CDH12: variants seen among roughly 807,000 people sequenced by gnomAD.
CDH12 encodes the protein cadherin-12.
Under a neutral mutation model 74.1 loss-of-function variants are expected in CDH12, and 41 were observed. That is an observed-to-expected ratio of 0.55 (90% CI 0.43 to 0.72). CDH12 has a LOEUF of 0.72. Among genes scored for constraint, CDH12 ranks in the 30% least tolerant of loss-of-function variants. The probability of loss-of-function intolerance (pLI) is 0.00; values close to 1 mark genes in which losing one functional copy is unlikely to be tolerated. For synonymous variants in CDH12, 399 were observed against 355.0 expected, an observed-to-expected ratio of 1.12 and a Z score of -1.39; for missense variants, 945 against 977.2, an observed-to-expected ratio of 0.97 and a Z score of 0.44.
intron 8 of CDH12, among the ~76,000 whole-genome samples, chr5:21,833,025 A>ATT (rs1749169070): frequency 2.0e-5 from 1 of 50,360 alleles, no homozygotes; most frequent in Non-Finnish European, 3.2e-5. Context: ...ATGATATAAT[A>ATT]TATAATATAT....
chr5:22,644,927 A>G (rs996707448), intron 1 of CDH12, among the ~76,000 whole-genome samples: 1 of 152,058 alleles, frequency 6.6e-6, no homozygotes, highest in Non-Finnish European at 1.5e-5. Flanking sequence ...ATGACAGCTC[A>G]TCTGTTTACA....
At chr5:21,982,731 C>G (rs1034388441) in intron 5 of CDH12, among the ~76,000 whole-genome samples, 3 of 151,716 alleles carry the variant, frequency 2.0e-5, no homozygotes, top group African/African-American at 2.4e-5. Flanking sequence ...TTTTGTCTAT[C>G]AGTTGATGCT....
At chr5:22,154,592 CAT>C (rs369274295) in intron 4 of CDH12, among the ~76,000 whole-genome samples, 10,508 of 148,812 alleles carry the variant, frequency 0.071, 461 homozygotes, top group African/African-American at 0.11. Context: ...TATGTGTACA[CAT>C]ATATATACAC....
rs77349401 is a variant in CDH12 at position 22,792,548 on chromosome 5, C to A, written c.-523+60510G>T. On this transcript the variant is annotated intron_variant, in intron 1 of 14. Coordinates refer to ENST00000382254, the MANE Select transcript of CDH12 (RefSeq NM_004061.5). ...TATTAAGATGTGTCATGCCTTCCTG[C>A]TTTTTGGCATACACGTATATGGTGG... Among the ~76,000 whole-genome samples the A allele has an allele frequency of 6.0e-3, 908 of 152,242 alleles. 7 individuals are homozygous for A. The highest frequency in any genetic ancestry group is 0.021 in the African/African-American group (854 of 41,532).
chr5:22,083,472 T>C (rs1363173498), intron 4 of CDH12, among the ~76,000 whole-genome samples: 1 of 152,146 alleles, frequency 6.6e-6, no homozygotes, highest in Non-Finnish European at 1.5e-5. Flanking sequence ...GTTCCTGGGG[T>C]CTACACTATT....
Position 22,780,344 on chromosome 5 carries a change from T to C in CDH12, c.-523+72714A>G, listed in dbSNP as rs80240491. Reference sequence around the variant, plus strand: ...ATTTCAAGGCTGCAGTGAGCTATTGTGTTAGTCCAGTCTCAGGCTGCTATA... The same window carrying C: ...ATTTCAAGGCTGCAGTGAGCTATTGCGTTAGTCCAGTCTCAGGCTGCTATA... On this transcript the variant is annotated intron_variant, in intron 1 of 14. Coordinates refer to ENST00000382254, the MANE Select transcript of CDH12 (RefSeq NM_004061.5). Among the ~76,000 whole-genome samples, 23 of 152,286 alleles carry C rather than the reference T, an allele frequency of 1.5e-4. No individual in the cohort carries two copies. In the East Asian group the frequency reaches 4.4e-3, roughly 29 times the overall value.
chr5:21,751,472 T>C lies in CDH12; in HGVS notation c.*265A>G. ...GCCTGAGCTTGTCTCAGTGTGATTG[T>C]GAAAAAACAAAACAACAAAACAAAG... is the stretch of plus-strand genomic sequence containing the variant. On this transcript the variant is annotated 3_prime_UTR_variant, in exon 15 of 15. Transcript: ENST00000382254. 2.6e-6 allele frequency: 1 copy of C among 387,332 alleles called. No individual in the cohort carries two copies. Among genetic ancestry groups the C allele is most frequent in the South Asian group, 3.6e-5 (1 of 27,418 alleles). 24.0% of individuals were successfully genotyped at this position (387,332 alleles called of 1,614,324 possible). A position where few individuals can be genotyped will look rare whatever the true frequency, so the allele number is the denominator to read the frequency against.
At chr5:22,840,299 T>C (rs1014358490) in intron 1 of CDH12, among the ~76,000 whole-genome samples, 37 of 152,174 alleles carry the variant, frequency 2.4e-4, no homozygotes, top group Middle Eastern at 6.8e-3. Flanking sequence ...TTTTAAAATA[T>C]TTTTAGTAGA....
At chr5:22,631,898 C>T (rs1330807578) in intron 1 of CDH12, among the ~76,000 whole-genome samples, 2 of 151,990 alleles carry the variant, frequency 1.3e-5, no homozygotes, top group African/African-American at 2.4e-5. Context: ...ACCAAGGGGT[C>T]GGTGTTAAAC....
chr5:21,797,259 A>T (rs1482869767), intron 10 of CDH12, among the ~76,000 whole-genome samples: 1 of 152,132 alleles, frequency 6.6e-6, no homozygotes, highest in Non-Finnish European at 1.5e-5. Context: ...GTCCTAAATT[A>T]ATATCTTGCA....
At chr5:21,844,885 C>T (rs1019757822) in intron 7 of CDH12, among the ~76,000 whole-genome samples, 3 of 152,086 alleles carry the variant, frequency 2.0e-5, no homozygotes, top group African/African-American at 7.2e-5. Context: ...GTGACAGTCA[C>T]AAATGCAACT....
chr5:21,780,275 A>G (rs1480212587), intron 11 of CDH12, among the ~76,000 whole-genome samples: 4 of 152,316 alleles, frequency 2.6e-5, no homozygotes, highest in Admixed American at 2.6e-4. Context: ...TTAGGATTCT[A>G]AGATCTAAAC....
intron 1 of CDH12, among the ~76,000 whole-genome samples, chr5:22,794,548 A>G (rs1561836): frequency 0.22 from 34,022 of 152,152 alleles, 5,280 homozygotes; most frequent in African/African-American, 0.44. Context: ...GAGACCAGCA[A>G]GGCCAGTCAG....
chr5:22,059,027 A>G (rs1561066903), intron 5 of CDH12, among the ~76,000 whole-genome samples: 1 of 152,164 alleles, frequency 6.6e-6, no homozygotes, highest in Non-Finnish European at 1.5e-5. Context: ...AGCTGTAGAC[A>G]TAAGAAAAAC....
intron 1 of CDH12, among the ~76,000 whole-genome samples, chr5:22,617,342 T>C (rs1737742991): frequency 6.6e-6 from 1 of 152,124 alleles, no homozygotes; most frequent in East Asian, 1.9e-4. Flanking sequence ...AATAAATTTT[T>C]GTTGTTTACA....
Position 21,814,142 on chromosome 5 carries a change from AGTGTGTGTGTGTGT to A in CDH12, c.1002+2789_1002+2802del, listed in dbSNP as rs59666017. ...TGATTCATCCACCACAGGAGAAATG[AGTGTGTGTGTGTGT>A]GTGTGTGTGTGTGTGTGTGTGTGTG... is the stretch of plus-strand genomic sequence containing the variant. On this transcript the variant is annotated intron_variant, in intron 9 of 14. Coordinates refer to ENST00000382254, the MANE Select transcript of CDH12 (RefSeq NM_004061.5). Among the ~76,000 whole-genome samples, 774 of 145,570 alleles carry A rather than the reference AGTGTGTGTGTGTGT, an allele frequency of 5.3e-3. 5 individuals are homozygous for A. Among genetic ancestry groups the A allele is most frequent in the Non-Finnish European group, 7.0e-3 (463 of 66,164 alleles).
intron 6 of CDH12, among the ~76,000 whole-genome samples, chr5:21,902,454 G>A (rs1167497359): frequency 6.6e-6 from 1 of 151,892 alleles, no homozygotes; most frequent in Non-Finnish European, 1.5e-5. Context: ...AGAATCTCAG[G>A]CCCCATAACA....
intron 5 of CDH12, among the ~76,000 whole-genome samples, chr5:22,030,992 C>T (rs7447336): frequency 0.36 from 54,737 of 151,926 alleles, 13,121 homozygotes; most frequent in African/African-American, 0.69. Flanking sequence ...TCAGCCTTCA[C>T]AGAATTGAGG....
intron 1 of CDH12, among the ~76,000 whole-genome samples, chr5:22,593,852 C>T (rs902964985): frequency 1.3e-5 from 2 of 152,168 alleles, no homozygotes; most frequent in African/African-American, 4.8e-5. Context: ...ACTCTTTGTT[C>T]TCATAATGCT....
Sources: allele counts gnomAD v4.1 joint callset (sites outside exome capture counted in the v4.1 genomes callset), GRCh38; gene constraint gnomAD v4.1.1; transcripts MANE v1.5; gene names NCBI Gene and HGNC (gene_info 2026-07-23, HGNC 2026-07-21).